DPP6: variants seen among roughly 807,000 people sequenced by gnomAD.
DPP6 encodes the protein dipeptidyl peptidase like 6.
Under a neutral mutation model 122.6 loss-of-function variants are expected in DPP6, and 69 were observed. The ratio of observed to expected loss-of-function variants is 0.56; its 90% CI spans 0.46 to 0.69. The LOEUF (loss-of-function observed/expected upper bound fraction) is 0.69. Among genes scored for constraint, DPP6 ranks in the 30% least tolerant of loss-of-function variants. The pLI, the probability that DPP6 is intolerant of heterozygous loss-of-function variation, is 0.00. For synonymous variants in DPP6, 418 were observed against 433.1 expected, an observed-to-expected ratio of 0.97 and a Z score of 0.43; for missense variants, 928 against 1,116.9, an observed-to-expected ratio of 0.83 and a Z score of 2.41.
intron 3 of DPP6, among the ~76,000 whole-genome samples, chr7:154,507,281 T>C (rs1465059351): frequency 6.6e-6 from 1 of 152,152 alleles, no homozygotes; most frequent in Non-Finnish European, 1.5e-5. Context: ...CCATAATTTT[T>C]TTTTTTACTT....
chr7:154,609,231 T>C (rs1211148778), intron 5 of DPP6, among the ~76,000 whole-genome samples: 1 of 152,256 alleles, frequency 6.6e-6, no homozygotes, highest in Non-Finnish European at 1.5e-5. Flanking sequence ...GAGGGTATTC[T>C]CTGTTAACTT....
intron 5 of DPP6, among the ~76,000 whole-genome samples, chr7:154,621,936 C>T (rs1013192980): frequency 8.5e-5 from 13 of 152,154 alleles, no homozygotes; most frequent in South Asian, 2.1e-4. Flanking sequence ...TGCAAACGTG[C>T]GGCACTCAAC....
At chr7:154,412,113 G>C (rs286848) in intron 1 of DPP6, among the ~76,000 whole-genome samples, 22,670 of 152,020 alleles carry the variant, frequency 0.15, 1,722 homozygotes, top group South Asian at 0.17. Context: ...AGCTCTGTGG[G>C]GTCTCTTTTA....
intron 17 of DPP6, among the ~76,000 whole-genome samples, chr7:154,866,249 G>A (rs1445553721): frequency 6.7e-6 from 1 of 149,450 alleles, no homozygotes; most frequent in East Asian, 1.9e-4. Context: ...ACTGTGAATA[G>A]AACATGAATG....
At chr7:154,531,889 C>CA (rs1301831976) in intron 3 of DPP6, among the ~76,000 whole-genome samples, 2 of 151,612 alleles carry the variant, frequency 1.3e-5, no homozygotes, top group East Asian at 1.9e-4. Context: ...AAGACAACCA[C>CA]AAAAAAAGCT....
At chr7:154,783,805 C>T (rs565184861) in intron 10 of DPP6, among the ~76,000 whole-genome samples, 18 of 152,210 alleles carry the variant, frequency 1.2e-4, no homozygotes, top group African/African-American at 4.3e-4. Context: ...AGGAGCTCCC[C>T]GCCTGGCCAA....
Position 154,449,381 on chromosome 7 carries a change from T to C in DPP6, c.358+3053T>C, listed in dbSNP as rs1281317862. Among the ~76,000 whole-genome samples, 5 of 152,106 alleles carry C rather than the reference T, an allele frequency of 3.3e-5. No individual in the cohort carries two copies. In the South Asian group the frequency reaches 1.0e-3, roughly 31 times the overall value. ...AAATCAAATCACAATGAAATACCACTTCACATCCACTAGGATGATTATAAG... is the reference window on the plus strand; with the variant it reads ...AAATCAAATCACAATGAAATACCACCTCACATCCACTAGGATGATTATAAG... On this transcript the variant is annotated intron_variant, in intron 2 of 25. Transcript: ENST00000377770.
chr7:154,629,270 C>T (rs1327052663), intron 5 of DPP6, among the ~76,000 whole-genome samples: 1 of 152,164 alleles, frequency 6.6e-6, no homozygotes, highest in African/African-American at 2.4e-5. Context: ...TTCATTTTCT[C>T]ATTTTCCTCA....
At chr7:153,865,654 A>G in the DPP6 span, among the ~76,000 whole-genome samples, 1 of 152,126 alleles carries the variant, frequency 6.6e-6, no homozygotes, top group Admixed American at 6.6e-5. Context: ...GTATTTTTTA[A>G]ATTTTATTAT....
intron 1 of DPP6, among the ~76,000 whole-genome samples, chr7:154,023,491 AT>A (rs1019364692): frequency 1.5e-4 from 22 of 150,792 alleles, no homozygotes; most frequent in East Asian, 9.7e-4. Context: ...TGCCTTTGGA[AT>A]TTTTTTTTGA....
At chr7:154,059,132 G>A (rs185912037) in intron 1 of DPP6, 16,848 of 144,714 alleles carry the variant, frequency 0.12, 1,187 homozygotes, top group Admixed American at 0.2. Context: ...CCCCACGAGG[G>A]TGGGGACTGA....
In DPP6 at chr7:154,486,141, G is replaced by GTTT. The variant is rs113303123; in HGVS notation, c.457+11112_457+11114dup. Among the ~76,000 whole-genome samples the GTTT allele has an allele frequency of 1.4e-4, 21 of 146,942 alleles. No homozygotes were observed. The highest frequency in any genetic ancestry group is 4.7e-4 in the African/African-American group (19 of 40,058). ...CACCCCTACTCATGGCCTCTATTTT[G>GTTT]TTTTTTTTTTGAGATGGAGTCTCAC... is the stretch of plus-strand genomic sequence containing the variant. On this transcript the variant is annotated intron_variant, in intron 3 of 25. Transcript: ENST00000377770. The surrounding 1 kb of genome is among the most constrained non-coding windows in gnomAD (Gnocchi z 4.5).
intron 1 of DPP6, among the ~76,000 whole-genome samples, chr7:154,070,553 G>A (rs543470175): frequency 1.3e-5 from 2 of 152,060 alleles, no homozygotes; most frequent in Admixed American, 1.3e-4. Context: ...TTTTCCATCA[G>A]CTTCTATATT....
At chr7:154,117,746 A>C (rs1341167737) in intron 1 of DPP6, among the ~76,000 whole-genome samples, 1 of 151,256 alleles carries the variant, frequency 6.6e-6, no homozygotes, top group Non-Finnish European at 1.5e-5. Context: ...TGATGTGCCC[A>C]GTGGTGTGGG....
intron 1 of DPP6, among the ~76,000 whole-genome samples, chr7:154,281,023 A>ATTTT (rs71520171): frequency 7.3e-6 from 1 of 136,156 alleles, no homozygotes; most frequent in Non-Finnish European, 1.6e-5. Flanking sequence ...TTATTTATTT[A>ATTTT]TTTTTTGGAG....
chr7:154,201,483 G>T (rs1423240514), intron 1 of DPP6, among the ~76,000 whole-genome samples: 1 of 152,154 alleles, frequency 6.6e-6, no homozygotes, highest in Admixed American at 6.6e-5. Flanking sequence ...GTTAAAAGTG[G>T]GTTAAGGCTT....
At position 154,872,009 on chromosome 7, in the gene DPP6, C is replaced by T. The variant is rs751186699; in HGVS notation, c.1814-615C>T. On this transcript the variant is annotated intron_variant, in intron 18 of 25. Transcript: ENST00000377770. ...CCAGATCCAGTGACCTTGGTAGCCA[C>T]GGGATCCAATGGGCTGTACCATCCT... 2.0e-5 allele frequency among the ~76,000 whole-genome samples: 3 copies of T among 152,274 alleles called. No individual in the cohort carries two copies. In the East Asian group the frequency reaches 5.8e-4, roughly 29 times the overall value.
At chr7:154,070,616 T>C (rs1323393985) in intron 1 of DPP6, among the ~76,000 whole-genome samples, 1 of 152,316 alleles carries the variant, frequency 6.6e-6, no homozygotes, top group East Asian at 1.9e-4. Context: ...AATGAGGTCA[T>C]GCAAAATTCT....
At chr7:154,245,989 C>T (rs1223760743) in intron 1 of DPP6, among the ~76,000 whole-genome samples, 1 of 152,044 alleles carries the variant, frequency 6.6e-6, no homozygotes, top group Non-Finnish European at 1.5e-5. Flanking sequence ...TTTTAAAGTG[C>T]AAGTAGAACT....
Sources: allele counts gnomAD v4.1 joint callset (sites outside exome capture counted in the v4.1 genomes callset), GRCh38; gene constraint gnomAD v4.1.1; non-coding constraint Gnocchi (gnomAD v3.1); transcripts MANE v1.5; gene names NCBI Gene and HGNC (gene_info 2026-07-23, HGNC 2026-07-21).